PPP1R13B: variants seen among roughly 807,000 people sequenced by gnomAD.
PPP1R13B encodes the protein protein phosphatase 1 regulatory subunit 13B.
A neutral mutation model predicts 119.8 loss-of-function variants in PPP1R13B; 44 were observed. The observed-to-expected ratio is 0.37, with a 90% confidence interval of 0.29 to 0.47. The LOEUF (loss-of-function observed/expected upper bound fraction) is 0.47, where lower values mean the gene tolerates loss of function less well. Ranked by LOEUF, PPP1R13B falls within the 20% of genes least tolerant of loss-of-function variation. The pLI is 0.99. For missense variants in PPP1R13B, 1,227 were observed against 1,413.5 expected, an observed-to-expected ratio of 0.87 and a Z score of 2.12; for synonymous variants, 542 against 561.5, an observed-to-expected ratio of 0.97 and a Z score of 0.49.
In PPP1R13B at chr14:103,845,122, G is replaced by T. The variant is rs1025964126; in HGVS notation, c.9+2177C>A. Among the ~76,000 whole-genome samples, 6 of 152,182 alleles carry T rather than the reference G, an allele frequency of 3.9e-5. No homozygotes were observed. The East Asian group carries it at 9.6e-4, about 24-fold the overall frequency. Reference sequence around the variant, plus strand: ...TGTGGCTTGCTTTACATTTTTATTGGACAGTACTGCTCTACACAAACTGCA... The same window carrying T: ...TGTGGCTTGCTTTACATTTTTATTGTACAGTACTGCTCTACACAAACTGCA... On this transcript the variant is annotated intron_variant, in intron 1 of 16. Coordinates refer to ENST00000202556, the MANE Select transcript of PPP1R13B (RefSeq NM_015316.3).
chr14:103,828,373 A>G (rs2086598702), intron 1 of PPP1R13B, among the ~76,000 whole-genome samples: 1 of 150,894 alleles, frequency 6.6e-6, no homozygotes, highest in African/African-American at 2.4e-5. Flanking sequence ...CTGTCTCCAA[A>G]AAAAAAAAAA....
At position 103,740,378 on chromosome 14, in the gene PPP1R13B, G is replaced by T; in HGVS notation, c.2038C>A (p.His680Asn). 6.4e-7 allele frequency: 1 copy of T among 1,568,794 alleles called. No homozygotes were observed. ...LSPTKLTPIV[H>N]SPLRYQSDAD... ...TCACTCTGGTAGCGCAGTGGCGAAT[G>T]CACGATGGGCGTGAGCTTGGTGGGG... The change falls in exon 12 of 17, where the codon CAT (histidine) becomes AAT (asparagine). Residue 680 changes from histidine (H) to asparagine (N), a missense_variant. Transcript: ENST00000202556. The surrounding 1 kb of genome is among the most constrained non-coding windows in gnomAD (Gnocchi z 4.6).
At chr14:103,839,600 C>A (rs539731101) in intron 1 of PPP1R13B, among the ~76,000 whole-genome samples, 32 of 149,620 alleles carry the variant, frequency 2.1e-4, no homozygotes, top group African/African-American at 7.7e-4. Flanking sequence ...GCACTCCAAC[C>A]TGGGCAACAA....
intron 1 of PPP1R13B, among the ~76,000 whole-genome samples, chr14:103,800,705 T>C (rs1408365558): frequency 6.6e-6 from 1 of 152,086 alleles, no homozygotes; most frequent in African/African-American, 2.4e-5. Flanking sequence ...TTCTTACAAG[T>C]GCCCTAAATT....
chr14:103,847,375 C>T lies in PPP1R13B; in HGVS notation c.-68G>A, dbSNP rs1391701116. On this transcript the variant is annotated 5_prime_UTR_variant, in exon 1 of 17. Transcript: ENST00000202556. ...ACGCTCCGCGCCGAGCTGTGCCCAC[C>T]GCTCCGGCCGCCTCCTAAGGCCGCG... The T allele has an allele frequency of 1.2e-5, 13 of 1,119,182 alleles. No individual in the cohort carries two copies. The highest frequency in any genetic ancestry group is 3.4e-5 in the African/African-American group (2 of 59,610). 69.3% of individuals were successfully genotyped at this position (1,119,182 alleles called of 1,614,324 possible). A position where few individuals can be genotyped will look rare whatever the true frequency, so the allele number is the denominator to read the frequency against.
At chr14:103,825,258 CCT>C (rs2086511610) in intron 1 of PPP1R13B, among the ~76,000 whole-genome samples, 1 of 152,100 alleles carries the variant, frequency 6.6e-6, no homozygotes, top group South Asian at 2.1e-4. Flanking sequence ...CTCCCTATTC[CCT>C]GAGACACATT....
At position 103,733,862 on chromosome 14, in the gene PPP1R13B, T is replaced by C. The variant is rs887429208; in HGVS notation, c.*1292A>G. On this transcript the variant is annotated 3_prime_UTR_variant, in exon 17 of 17. Coordinates refer to ENST00000202556, the MANE Select transcript of PPP1R13B (RefSeq NM_015316.3). ...GCTCTACAAGGGCGTTCACTTTTCT[T>C]CACCACACTATGTACAGTCAGTGCT... 1 of 152,542 alleles carries C rather than the reference T, an allele frequency of 6.6e-6. No homozygotes were observed. The highest frequency in any genetic ancestry group is 2.4e-5 in the African/African-American group (1 of 41,422). The allele number at this position is 152,542 out of a possible 1,614,324, so 9.4% of individuals were successfully genotyped here.
Position 103,822,815 on chromosome 14 carries a change from G to GA in PPP1R13B, c.9+24483dup, listed in dbSNP as rs1184027940. ...GAGACAGAGCAAGACTCCATCTCGAGAAAAAAAAAAAGTATTTCCTAATCC... is the reference window on the plus strand; with the variant it reads ...GAGACAGAGCAAGACTCCATCTCGAGAAAAAAAAAAAAGTATTTCCTAATCC... On this transcript the variant is annotated intron_variant, in intron 1 of 16. Transcript: ENST00000202556. Among the ~76,000 whole-genome samples, 388 of 144,024 alleles carry GA rather than the reference G, an allele frequency of 2.7e-3. 1 individual carries two copies. The highest frequency in any genetic ancestry group is 4.3e-3 in the Non-Finnish European group (283 of 65,492). 94.5% of individuals were successfully genotyped at this position (144,024 alleles called of 152,430 possible).
rs184193448 is a variant in PPP1R13B, at chr14:103,738,029, A to T, written c.2865-169T>A. 2.4e-4 allele frequency among the ~76,000 whole-genome samples: 36 copies of T among 152,350 alleles called. No individual in the cohort carries two copies. Among genetic ancestry groups the T allele is most frequent in the Admixed American group, 2.3e-3 (35 of 15,308 alleles). ...GATTTCCATGAGCCAATTGTTTCAG[A>T]CCATACATACATTTTGAAAAGGGGG... On this transcript the variant is annotated intron_variant, in intron 14 of 16. Coordinates refer to ENST00000202556, the MANE Select transcript of PPP1R13B (RefSeq NM_015316.3). The surrounding 1 kb of genome is among the most constrained non-coding windows in gnomAD (Gnocchi z 5.6).
chr14:103,834,692 G>A (rs1010380674), intron 1 of PPP1R13B, among the ~76,000 whole-genome samples: 2 of 146,808 alleles, frequency 1.4e-5, no homozygotes, highest in African/African-American at 2.6e-5. Flanking sequence ...CCGGGTGCAA[G>A]TGATTCTCCT....
chr14:103,757,529 A>G (rs1028312156), intron 5 of PPP1R13B, 121 bp downstream of exon 5: 1 of 799,974 alleles, frequency 1.3e-6, no homozygotes, highest in East Asian at 2.5e-5. Flanking sequence ...TGCATTTAGC[A>G]CTCCTATGGC....
At chr14:103,743,822 C>T (rs1192273793) in intron 9 of PPP1R13B, 1 of 152,300 alleles carries the variant, frequency 6.6e-6, no homozygotes, top group African/African-American at 2.4e-5. Context: ...CGGCTGCGCT[C>T]TGAGCGCCTG....
chr14:103,773,354 T>C (rs1438041423), intron 4 of PPP1R13B, among the ~76,000 whole-genome samples: 1 of 152,184 alleles, frequency 6.6e-6, no homozygotes, highest in Non-Finnish European at 1.5e-5. Flanking sequence ...CAGAGAATGT[T>C]CCAGAGCTGT....
chr14:103,773,578 GA>G (rs1427653514), intron 4 of PPP1R13B, among the ~76,000 whole-genome samples: 1 of 152,172 alleles, frequency 6.6e-6, no homozygotes, highest in African/African-American at 2.4e-5. Context: ...CAGATGTTTG[GA>G]AGTTGGCAAA....
intron 1 of PPP1R13B, among the ~76,000 whole-genome samples, chr14:103,819,745 CCT>C (rs1449671581): frequency 2.2e-5 from 3 of 138,726 alleles, no homozygotes; most frequent in South Asian, 2.2e-4. Context: ...CCAGAGCTCC[CCT>C]GTTTCTGCCC....
At chr14:103,810,105 T>C (rs1287020554) in intron 1 of PPP1R13B, among the ~76,000 whole-genome samples, 1 of 151,726 alleles carries the variant, frequency 6.6e-6, no homozygotes, top group African/African-American at 2.4e-5. Flanking sequence ...ATTACAAGTG[T>C]GAGCCACCGC....
intron 4 of PPP1R13B, among the ~76,000 whole-genome samples, chr14:103,766,070 G>A (rs188863055): frequency 7.9e-5 from 12 of 151,152 alleles, no homozygotes; most frequent in African/African-American, 2.4e-4. Flanking sequence ...GCGCAGTGGC[G>A]CCATCTCGGC....
intron 3 of PPP1R13B, among the ~76,000 whole-genome samples, chr14:103,779,544 G>C (rs1184078548): frequency 6.6e-6 from 1 of 151,070 alleles, no homozygotes; most frequent in Non-Finnish European, 1.5e-5. Context: ...TTCTCCCAAG[G>C]TGGGAGGATC....
At chr14:103,739,515 T>G (rs1567081560) in intron 12 of PPP1R13B, among the ~76,000 whole-genome samples, 1 of 152,162 alleles carries the variant, frequency 6.6e-6, no homozygotes. Flanking sequence ...GCTTCTTCCC[T>G]CGTCTCTCTA....
Sources: allele counts gnomAD v4.1 joint callset (sites outside exome capture counted in the v4.1 genomes callset), GRCh38; gene constraint gnomAD v4.1.1; non-coding constraint Gnocchi (gnomAD v3.1); transcripts MANE v1.5; gene names NCBI Gene and HGNC (gene_info 2026-07-23, HGNC 2026-07-21).